PCDHGA3: variants seen among roughly 807,000 people sequenced by gnomAD.
PCDHGA3 encodes the protein protocadherin gamma-A3.
In PCDHGA3, 40 loss-of-function variants were observed where a neutral mutation model predicts 58.5. The ratio of observed to expected loss-of-function variants is 0.68; its 90% CI spans 0.53 to 0.89. The LOEUF (loss-of-function observed/expected upper bound fraction) is 0.89. PCDHGA3 is among the 40% of genes least tolerant of loss of function. The probability of loss-of-function intolerance (pLI) is 0.00; values close to 1 mark genes in which losing one functional copy is unlikely to be tolerated. For missense variants in PCDHGA3, 1,223 were observed against 1,195.9 expected, an observed-to-expected ratio of 1.02 and a Z score of -0.33; for synonymous variants, 530 against 525.7, an observed-to-expected ratio of 1.01 and a Z score of -0.11.
At chr5:141,398,908 G>C (rs2093725359) in intron 1 of PCDHGA3, 1 of 1,613,860 alleles carries the variant, frequency 6.2e-7, no homozygotes, top group South Asian at 1.1e-5. Flanking sequence ...AGGCACCACT[G>C]TGTTGCAAGT....
chr5:141,374,528 T>A (rs759567011), intron 1 of PCDHGA3: 1 of 1,613,048 alleles, frequency 6.2e-7, no homozygotes. Flanking sequence ...CGCAGCTCCA[T>A]CCTCTCGTTT....
In PCDHGA3 at chr5:141,345,824, C is replaced by T. The variant is rs758177032; in HGVS notation, c.1791C>T (p.Asp597=). The T allele has an allele frequency of 1.2e-6, 2 of 1,613,632 alleles. No homozygotes were observed. The highest frequency in any genetic ancestry group is 2.7e-5 in the African/African-American group (2 of 74,920). The change falls in exon 1 of 4, where the codon GAC becomes GAT. Residue 597 remains aspartate, a synonymous_variant. Coordinates refer to ENST00000253812, the MANE Select transcript of PCDHGA3 (RefSeq NM_018916.4). ...LVTKVVAVDR[D]SGQNAWLSYR... Reference sequence around the variant, plus strand: ...CCAAGGTGGTGGCGGTGGACAGAGACTCGGGCCAGAACGCCTGGCTGTCCT... The same window carrying T: ...CCAAGGTGGTGGCGGTGGACAGAGATTCGGGCCAGAACGCCTGGCTGTCCT...
Position 141,489,160 on chromosome 5 carries a change from C to A in PCDHGA3, c.2425-5647C>A. 1 of 1,029,962 alleles carries A rather than the reference C, an allele frequency of 9.7e-7. No individual in the cohort carries two copies. The highest frequency in any genetic ancestry group is 1.4e-6 in the Non-Finnish European group (1 of 701,366). 63.8% of individuals were successfully genotyped at this position (1,029,962 alleles called of 1,614,324 possible). ...GGCTGGAAGGAGACATAAGAGACTT[C>A]AGCTGCTGCATTCCAAGCCCTGGGT... On this transcript the variant is annotated intron_variant, in intron 1 of 3. Coordinates refer to ENST00000253812, the MANE Select transcript of PCDHGA3 (RefSeq NM_018916.4). The surrounding 1 kb of genome is among the most constrained non-coding windows in gnomAD (Gnocchi z 4.5).
At chr5:141,459,863 G>A (rs182099511) in intron 1 of PCDHGA3, among the ~76,000 whole-genome samples, 2 of 152,242 alleles carry the variant, frequency 1.3e-5, no homozygotes, top group East Asian at 1.9e-4. Context: ...TGAAGCATTC[G>A]TTCATCTTTA....
In PCDHGA3 at chr5:141,384,445, G is replaced by A. The variant is rs182497799; in HGVS notation, c.2424+37988G>A. 5.0e-6 allele frequency: 8 copies of A among 1,613,990 alleles called. 1 individual carries two copies. The African/African-American group carries it at 5.3e-5, about 11-fold the overall frequency. ...AAACTCTGACACTGGAGTCCTGTAC[G>A]CGCTGCAATCCTTTGATTATGAGCA... On this transcript the variant is annotated intron_variant, in intron 1 of 3. Transcript: ENST00000253812.
chr5:141,352,625 A>C lies in PCDHGA3; in HGVS notation c.2424+6168A>C, dbSNP rs201522550. 21 of 1,612,002 alleles carry C rather than the reference A, an allele frequency of 1.3e-5. No individual in the cohort carries two copies. Among genetic ancestry groups the C allele is most frequent in the Non-Finnish European group, 1.8e-5 (21 of 1,178,938 alleles). ...TCCTTCTATGGTTGTATGTGCCAGT[A>C]ATGAAGATCACAAAATCGCTTATGA... On this transcript the variant is annotated intron_variant, in intron 1 of 3. Transcript: ENST00000253812.
intron 1 of PCDHGA3, chr5:141,393,798 G>C (rs1228076034): frequency 1.2e-6 from 2 of 1,613,876 alleles, no homozygotes; most frequent in Non-Finnish European, 1.7e-6. Flanking sequence ...GGCACTTCTG[G>C]GGAGGACCAA....
chr5:141,416,120 A>C (rs2095996372), intron 1 of PCDHGA3: 1 of 155,288 alleles, frequency 6.4e-6, no homozygotes, highest in African/African-American at 2.4e-5. Context: ...ACTACATTTT[A>C]TATATTTTTC....
At chr5:141,374,181 A>G (rs765792921) in intron 1 of PCDHGA3, 14 of 1,613,530 alleles carry the variant, frequency 8.7e-6, no homozygotes, top group African/African-American at 2.7e-5. Flanking sequence ...CAGATCCGCT[A>G]CTCTATTCCC....
chr5:141,399,775 G>A, intron 1 of PCDHGA3: 2 of 1,613,282 alleles, frequency 1.2e-6, no homozygotes, highest in Non-Finnish European at 1.7e-6. Flanking sequence ...GTTGGTGGGC[G>A]ACCGAAACGA....
At chr5:141,357,688 C>G in intron 1 of PCDHGA3, 1 of 1,562,846 alleles carries the variant, frequency 6.4e-7, no homozygotes, top group Non-Finnish European at 8.7e-7. Flanking sequence ...AAATGTCTCT[C>G]ATTTTATATG....
intron 1 of PCDHGA3, chr5:141,403,757 C>G (rs1326659106): frequency 6.2e-7 from 1 of 1,613,766 alleles, no homozygotes; most frequent in Non-Finnish European, 8.5e-7. Flanking sequence ...AGCCAGCGAC[C>G]TGGATGAGGG....
intron 1 of PCDHGA3, chr5:141,410,748 C>T (rs569108587): frequency 8.8e-6 from 11 of 1,245,288 alleles, no homozygotes; most frequent in Admixed American, 5.8e-5. Flanking sequence ...AATATTTTCT[C>T]AATGTTTTTT....
chr5:141,401,467 G>A (rs1248119954), intron 1 of PCDHGA3, among the ~76,000 whole-genome samples: 1 of 152,196 alleles, frequency 6.6e-6, no homozygotes, highest in Non-Finnish European at 1.5e-5. Context: ...AATTTTCTAA[G>A]TTTATCCAGG....
At chr5:141,355,170 G>C (rs200043254) in intron 1 of PCDHGA3, 12 of 1,569,662 alleles carry the variant, frequency 7.6e-6, no homozygotes, top group African/African-American at 2.7e-5. Context: ...AGGGAAAACC[G>C]AAGCACAGGC....
At chr5:141,355,491 C>T (rs1195387983) in intron 1 of PCDHGA3, 1 of 1,614,050 alleles carries the variant, frequency 6.2e-7, no homozygotes, top group Non-Finnish European at 8.5e-7. Context: ...AGCTCTGCGA[C>T]AGATCTCCAA....
At chr5:141,359,899 A>C (rs1761354532) in intron 1 of PCDHGA3, 1 of 400,996 alleles carries the variant, frequency 2.5e-6, no homozygotes. Flanking sequence ...AATATTGACA[A>C]GCCATTAGTG....
chr5:141,364,866 C>A (rs749361969), intron 1 of PCDHGA3: 1 of 1,614,016 alleles, frequency 6.2e-7, no homozygotes, highest in Non-Finnish European at 8.5e-7. Context: ...CTGCACTTCT[C>A]TCTGGATGTG....
intron 1 of PCDHGA3, chr5:141,372,081 C>T: frequency 1.2e-6 from 2 of 1,613,734 alleles, no homozygotes; most frequent in Non-Finnish European, 8.5e-7. Flanking sequence ...ACCGCTGGTG[C>T]TGTACCCAGC....
Sources: allele counts gnomAD v4.1 joint callset (sites outside exome capture counted in the v4.1 genomes callset), GRCh38; gene constraint gnomAD v4.1.1; non-coding constraint Gnocchi (gnomAD v3.1); transcripts MANE v1.5; gene names NCBI Gene and HGNC (gene_info 2026-07-23, HGNC 2026-07-21).